NKAIN3: variants seen among roughly 807,000 people sequenced by gnomAD.
NKAIN3 encodes the protein sodium/potassium transporting ATPase interacting 3, also known as sodium/potassium-transporting ATPase subunit beta-1-interacting protein 3.
Under a neutral mutation model 30.2 loss-of-function variants are expected in NKAIN3, and 25 were observed. The ratio of observed to expected loss-of-function variants is 0.83; its 90% CI spans 0.60 to 1.16. NKAIN3 has a LOEUF of 1.16. Among genes scored for constraint, NKAIN3 ranks in the 50% most tolerant of loss-of-function variants. The probability of loss-of-function intolerance (pLI) is 0.00; values close to 1 mark genes in which losing one functional copy is unlikely to be tolerated. For missense variants in NKAIN3, 225 were observed against 254.1 expected, an observed-to-expected ratio of 0.89 and a Z score of 0.78; for synonymous variants, 91 against 89.6, an observed-to-expected ratio of 1.02 and a Z score of -0.09.
intron 2 of NKAIN3, among the ~76,000 whole-genome samples, chr8:62,579,898 A>G (rs1050377989): frequency 7.9e-5 from 12 of 152,180 alleles, no homozygotes; most frequent in Admixed American, 5.2e-4. Flanking sequence ...GTATGATGAC[A>G]TGGTGTCACT....
chr8:62,505,577 G>T (rs904354678), intron 1 of NKAIN3, among the ~76,000 whole-genome samples: 3 of 152,262 alleles, frequency 2.0e-5, no homozygotes, highest in Non-Finnish European at 2.9e-5. Flanking sequence ...CTGCTCTACA[G>T]AATGCCTTTA....
At chr8:62,698,171 C>T (rs1015514899) in intron 3 of NKAIN3, among the ~76,000 whole-genome samples, 2 of 151,892 alleles carry the variant, frequency 1.3e-5, no homozygotes, top group African/African-American at 4.8e-5. Context: ...GAATAAGTTC[C>T]CACTATTTAC....
chr8:62,544,080 C>A (rs188949535), intron 1 of NKAIN3, among the ~76,000 whole-genome samples: 2 of 152,104 alleles, frequency 1.3e-5, no homozygotes, highest in South Asian at 4.1e-4. Flanking sequence ...TAGCTCACTG[C>A]GACCTCTGCC....
intron 1 of NKAIN3, among the ~76,000 whole-genome samples, chr8:62,528,454 C>A (rs1047186616): frequency 2.0e-5 from 3 of 151,250 alleles, no homozygotes; most frequent in African/African-American, 4.9e-5. Flanking sequence ...TTCTGACAAG[C>A]ATCGAATCTA....
intron 1 of NKAIN3, among the ~76,000 whole-genome samples, chr8:62,382,076 C>T (rs1817296627): frequency 6.6e-6 from 1 of 152,034 alleles, no homozygotes; most frequent in African/African-American, 2.4e-5. Context: ...ACACCATGCA[C>T]AGTTGAAAAT....
At chr8:62,856,050 AC>A in intron 4 of NKAIN3, 1 of 689,750 alleles carries the variant, frequency 1.4e-6, no homozygotes, top group Non-Finnish European at 2.7e-6. Context: ...CTTCAGCATT[AC>A]CAAGGGCTTA....
At chr8:62,593,844 G>T (rs1810734177) in intron 3 of NKAIN3, among the ~76,000 whole-genome samples, 1 of 151,982 alleles carries the variant, frequency 6.6e-6, no homozygotes, top group African/African-American at 2.4e-5. Context: ...AGAACAAAAG[G>T]CAATAGTTAA....
intron 1 of NKAIN3, among the ~76,000 whole-genome samples, chr8:62,390,416 T>C (rs902579785): frequency 1.2e-4 from 19 of 152,188 alleles, no homozygotes; most frequent in Non-Finnish European, 2.5e-4. Context: ...ATGGTGTATA[T>C]GTACAACATT....
chr8:62,312,293 A>G (rs557286542), intron 1 of NKAIN3, among the ~76,000 whole-genome samples: 3 of 150,768 alleles, frequency 2.0e-5, no homozygotes, highest in Non-Finnish European at 2.9e-5. Context: ...ACCTTTTGTG[A>G]CTGCTTATTC....
At chr8:62,811,543 C>A (rs751314939) in intron 4 of NKAIN3, among the ~76,000 whole-genome samples, 5 of 151,952 alleles carry the variant, frequency 3.3e-5, no homozygotes, top group Non-Finnish European at 4.4e-5. Context: ...TCATTATTGT[C>A]ATTATTTCTT....
At chr8:62,590,990 TAATTA>T (rs932750594) in intron 3 of NKAIN3, among the ~76,000 whole-genome samples, 26 of 152,086 alleles carry the variant, frequency 1.7e-4, no homozygotes, top group Admixed American at 1.3e-3. Flanking sequence ...TATAAAAAAG[TAATTA>T]AATTAATGTC....
chr8:62,582,254 T>C (rs758599295), intron 2 of NKAIN3, among the ~76,000 whole-genome samples: 1 of 152,160 alleles, frequency 6.6e-6, no homozygotes. Context: ...GAGATATTTA[T>C]TGAGCTTCTA....
chr8:62,595,342 T>A (rs1449567364), intron 3 of NKAIN3, among the ~76,000 whole-genome samples: 1 of 151,562 alleles, frequency 6.6e-6, no homozygotes, highest in Non-Finnish European at 1.5e-5. Context: ...TTAGCACAAG[T>A]TAATCTGTTT....
chr8:62,775,717 C>G (rs1817171756), intron 4 of NKAIN3, among the ~76,000 whole-genome samples: 1 of 151,958 alleles, frequency 6.6e-6, no homozygotes, highest in South Asian at 2.1e-4. Context: ...TTCCCAAATT[C>G]CTCTTGTTAT....
chr8:62,814,722 A>T (rs966851138), intron 4 of NKAIN3, among the ~76,000 whole-genome samples: 1 of 152,122 alleles, frequency 6.6e-6, no homozygotes. Context: ...TCTGGGACAC[A>T]TTCAAAGCAG....
At chr8:62,518,473 A>G (rs1283615220) in intron 1 of NKAIN3, among the ~76,000 whole-genome samples, 1 of 152,174 alleles carries the variant, frequency 6.6e-6, no homozygotes, top group South Asian at 2.1e-4. Flanking sequence ...AAGTATTAAT[A>G]GTAATAGTGC....
intron 1 of NKAIN3, among the ~76,000 whole-genome samples, chr8:62,350,875 A>G (rs570816052): frequency 8.8e-4 from 133 of 151,758 alleles, no homozygotes; most frequent in African/African-American, 3.1e-3. Context: ...TTTTTAATAG[A>G]TATAGGGTTT....
intron 1 of NKAIN3, among the ~76,000 whole-genome samples, chr8:62,521,066 G>GA (rs1006223583): frequency 2.6e-5 from 4 of 151,672 alleles, no homozygotes; most frequent in African/African-American, 9.7e-5. Context: ...TTAGCCGTAA[G>GA]AAAAAATTTC....
chr8:62,369,322 T>G (rs577249471), intron 1 of NKAIN3, among the ~76,000 whole-genome samples: 1 of 152,142 alleles, frequency 6.6e-6, no homozygotes, highest in Non-Finnish European at 1.5e-5. Context: ...GGTGTCTTTT[T>G]TGGTGAATTC....
Sources: gnomAD v4.1 joint callset for allele counts (sites outside exome capture counted in the v4.1 genomes callset) on GRCh38, gnomAD v4.1.1 for gene constraint, MANE v1.5 for transcripts, NCBI Gene and HGNC (gene_info 2026-07-23, HGNC 2026-07-21) for gene names.